DOCK3: variants seen among roughly 807,000 people sequenced by gnomAD.
The protein encoded by DOCK3 is dedicator of cytokinesis 3, also known as dedicator of cytokinesis protein 3.
DOCK3 carries 60 observed loss-of-function variants against 265.6 expected under a neutral mutation model. The observed-to-expected ratio is 0.23, with a 90% CI of 0.18 to 0.28. DOCK3 has a LOEUF of 0.28. Ranked by LOEUF, DOCK3 falls within the 10% of genes least tolerant of loss-of-function variation. DOCK3 has a pLI of 1.00. For missense variants in DOCK3, 1,981 were observed against 2,594.3 expected (o/e 0.76, Z 5.14); for synonymous variants, 881 against 938.0 (o/e 0.94, Z 1.11).
intron 5 of DOCK3, among the ~76,000 whole-genome samples, chr3:50,983,056 C>T (rs1366604359): frequency 6.6e-6 from 1 of 152,216 alleles, no homozygotes; most frequent in Non-Finnish European, 1.5e-5. Flanking sequence ...CGGGCCAAGC[C>T]CAGGCACTGT....
At chr3:51,001,746 T>C (rs2078491192) in intron 5 of DOCK3, among the ~76,000 whole-genome samples, 1 of 152,230 alleles carries the variant, frequency 6.6e-6, no homozygotes, top group Admixed American at 6.5e-5. Flanking sequence ...AGTTGTCACA[T>C]TTTACATTCC....
intron 12 of DOCK3, among the ~76,000 whole-genome samples, chr3:51,167,875 T>C (rs1373278391): frequency 1.3e-5 from 2 of 152,288 alleles, no homozygotes; most frequent in East Asian, 3.9e-4. Context: ...TAAGGTCATG[T>C]CATCTGCAAA....
intron 5 of DOCK3, among the ~76,000 whole-genome samples, chr3:51,059,491 A>C (rs868677567): frequency 1.4e-5 from 2 of 140,126 alleles, no homozygotes; most frequent in Admixed American, 7.4e-5. Context: ...ACACACACAC[A>C]CACCCCACAT....
intron 2 of DOCK3, among the ~76,000 whole-genome samples, chr3:50,833,509 C>A (rs993999232): frequency 1.3e-5 from 2 of 152,000 alleles, no homozygotes; most frequent in Non-Finnish European, 2.9e-5. Flanking sequence ...TTTTAAAAGC[C>A]AAGCCCAGCC....
intron 5 of DOCK3, among the ~76,000 whole-genome samples, chr3:51,005,657 T>A (rs2078651327): frequency 6.6e-6 from 1 of 152,184 alleles, no homozygotes; most frequent in African/African-American, 2.4e-5. Flanking sequence ...GTTTAGCAGG[T>A]TCTGTCAGCT....
At chr3:51,203,119 G>T (rs1419369993) in intron 12 of DOCK3, among the ~76,000 whole-genome samples, 1 of 152,144 alleles carries the variant, frequency 6.6e-6, no homozygotes, top group Non-Finnish European at 1.5e-5. Context: ...AGACAGGGAT[G>T]CCCTCTCTCA....
chr3:51,074,761 A>G (rs1400686971), intron 6 of DOCK3, among the ~76,000 whole-genome samples: 1 of 152,176 alleles, frequency 6.6e-6, no homozygotes, highest in Non-Finnish European at 1.5e-5. Context: ...TGTGAGGTGC[A>G]GCAAACCACC....
At chr3:51,083,714 G>A (rs181410607) in intron 7 of DOCK3, among the ~76,000 whole-genome samples, 39 of 152,290 alleles carry the variant, frequency 2.6e-4, no homozygotes, top group Admixed American at 1.4e-3. Context: ...CAAGCGCAGT[G>A]GCTCATGACT....
chr3:51,184,221 G>A (rs572876997), intron 12 of DOCK3, among the ~76,000 whole-genome samples: 3 of 151,448 alleles, frequency 2.0e-5, no homozygotes, highest in South Asian at 4.2e-4. Context: ...TGAGGCAGGA[G>A]AATCGCTTGT....
At chr3:51,101,148 C>G (rs1182619176) in intron 9 of DOCK3, among the ~76,000 whole-genome samples, 1 of 132,508 alleles carries the variant, frequency 7.5e-6, no homozygotes, top group African/African-American at 2.9e-5. Flanking sequence ...GAGTCTCACT[C>G]TGTCGCCCAG....
intron 49 of DOCK3, among the ~76,000 whole-genome samples, chr3:51,363,584 C>T (rs1471867961): frequency 6.6e-6 from 1 of 152,138 alleles, no homozygotes; most frequent in East Asian, 1.9e-4. Flanking sequence ...TGTGCTGCAC[C>T]CGTTAACTCG....
intron 2 of DOCK3, among the ~76,000 whole-genome samples, chr3:50,786,156 CTT>C (rs1388621505): frequency 1.3e-5 from 2 of 151,964 alleles, no homozygotes; most frequent in Non-Finnish European, 2.9e-5. Flanking sequence ...TGTAATATCT[CTT>C]GTTTTGTTTC....
chr3:50,886,974 C>A (rs201575383), intron 3 of DOCK3, among the ~76,000 whole-genome samples: 3 of 151,988 alleles, frequency 2.0e-5, no homozygotes, highest in Non-Finnish European at 4.4e-5. Flanking sequence ...AGAGCAAACA[C>A]ATTCAAAAGC....
At chr3:51,034,435 A>T (rs1372298657) in intron 5 of DOCK3, among the ~76,000 whole-genome samples, 1 of 152,054 alleles carries the variant, frequency 6.6e-6, no homozygotes, top group Admixed American at 6.6e-5. Context: ...TTATACATTC[A>T]TAGCTTTTTA....
chr3:50,950,892 C>T (rs2076572213), intron 5 of DOCK3, among the ~76,000 whole-genome samples: 1 of 152,110 alleles, frequency 6.6e-6, no homozygotes, highest in Non-Finnish European at 1.5e-5. Context: ...TGTTAGCCAA[C>T]ATTTGTTGAT....
chr3:51,022,571 C>G (rs2079639028), intron 5 of DOCK3, among the ~76,000 whole-genome samples: 1 of 152,154 alleles, frequency 6.6e-6, no homozygotes, highest in Non-Finnish European at 1.5e-5. Flanking sequence ...CAATAGTTAA[C>G]ATTTAATTTA....
At chr3:51,015,367 T>A (rs924388695) in intron 5 of DOCK3, among the ~76,000 whole-genome samples, 1 of 152,050 alleles carries the variant, frequency 6.6e-6, no homozygotes, top group African/African-American at 2.4e-5. Context: ...TATTAAATGC[T>A]TTTTCAGCAT....
chr3:50,683,322 C>T (rs2034543847), intron 1 of DOCK3, among the ~76,000 whole-genome samples: 1 of 152,176 alleles, frequency 6.6e-6, no homozygotes, highest in Admixed American at 6.5e-5. Flanking sequence ...CCTGTCAAAT[C>T]TTTTTGAAGC....
At chr3:51,104,158 T>G (rs1019493574) in intron 9 of DOCK3, among the ~76,000 whole-genome samples, 3 of 152,086 alleles carry the variant, frequency 2.0e-5, no homozygotes, top group Non-Finnish European at 2.9e-5. Context: ...AAAAGAAGTT[T>G]CCATGTACAG....
Sources: allele counts gnomAD v4.1 joint callset (sites outside exome capture counted in the v4.1 genomes callset), GRCh38; gene constraint gnomAD v4.1.1; transcripts MANE v1.5; gene names NCBI Gene and HGNC (gene_info 2026-07-23, HGNC 2026-07-21).